The following SMARCA2 variants were observed in gnomAD, a reference collection of about 807,000 sequenced individuals.
SMARCA2 encodes the protein SWI/SNF-related matrix-associated actin-dependent regulator of chromatin subfamily A member 2.
A neutral mutation model predicts 199.8 loss-of-function variants in SMARCA2; 61 were observed. That is an observed-to-expected ratio of 0.31 (90% confidence interval 0.25 to 0.38). The LOEUF (loss-of-function observed/expected upper bound fraction) is 0.38, where lower values mean the gene tolerates loss of function less well. Ranked by LOEUF, SMARCA2 falls within the 10% of genes least tolerant of loss-of-function variation. SMARCA2 has a pLI of 1.00. For missense variants in SMARCA2, 1,344 were observed against 2,012.2 expected, an observed-to-expected ratio of 0.67 and a Z score of 6.35; for synonymous variants, 935 against 732.0, an observed-to-expected ratio of 1.28 and a Z score of -4.48.
chr9:2,145,181 C>T (rs1824673219), intron 27 of SMARCA2, among the ~76,000 whole-genome samples: 1 of 151,852 alleles, frequency 6.6e-6, no homozygotes, highest in Admixed American at 6.6e-5. Context: ...TGTCTGTAGT[C>T]TCTCTGAGCT....
chr9:2,099,782 G>A lies in SMARCA2; in HGVS notation c.3079-1788G>A, dbSNP rs529729068. On this transcript the variant is annotated intron_variant, in intron 21 of 33. Coordinates refer to ENST00000349721, the MANE Select transcript of SMARCA2 (RefSeq NM_003070.5). Reference sequence around the variant, plus strand: ...CTGCCAGATGCTGAGCCTCAAAATGGGTCTCACTGCCTCCCTGGGGACCTT... The same window carrying A: ...CTGCCAGATGCTGAGCCTCAAAATGAGTCTCACTGCCTCCCTGGGGACCTT... Among the ~76,000 whole-genome samples, 11 of 152,144 alleles carry A rather than the reference G, an allele frequency of 7.2e-5. No individual in the cohort carries two copies. In the South Asian group the frequency reaches 1.9e-3, roughly 26 times the overall value.
chr9:2,051,026 G>C (rs757976611), intron 5 of SMARCA2, among the ~76,000 whole-genome samples: 1 of 152,318 alleles, frequency 6.6e-6, no homozygotes, highest in South Asian at 2.1e-4. Flanking sequence ...GTTGTTTGGG[G>C]AAGTTTAGAA....
Position 2,123,863 on chromosome 9 carries a change from A to C in SMARCA2, c.3907A>C (p.Ile1303Leu). 6.2e-7 allele frequency: 1 copy of C among 1,608,052 alleles called. No homozygotes were observed. Among genetic ancestry groups the C allele is most frequent in the Non-Finnish European group, 8.5e-7 (1 of 1,177,480 alleles). Residue 1303 changes from isoleucine to leucine, a missense_variant, in exon 27 of 34, where the codon ATA (isoleucine) becomes CTA (leucine). Coordinates refer to ENST00000349721, the MANE Select transcript of SMARCA2 (RefSeq NM_003070.5). This position sits in a 1 kb window ranked among gnomAD's most constrained non-coding sequence, Gnocchi z 4.1. Reference protein sequence around the residue: ...RLTCEEEEEKIFGRGSRQRRD... With the variant: ...RLTCEEEEEKLFGRGSRQRRD... ...CACCTGTGAAGAAGAGGAGGAGAAA[A>C]TATTTGGGAGGGGGTCCCGCCAGCG...
intron 23 of SMARCA2, among the ~76,000 whole-genome samples, chr9:2,109,071 G>C (rs186307738): frequency 6.6e-6 from 1 of 152,150 alleles, no homozygotes; most frequent in Admixed American, 6.5e-5. Flanking sequence ...AAAACAGATC[G>C]TCCCCATGTT....
intron 27 of SMARCA2, among the ~76,000 whole-genome samples, chr9:2,153,373 C>CA (rs1437888949): frequency 6.6e-6 from 1 of 151,900 alleles, no homozygotes; most frequent in African/African-American, 2.4e-5. Context: ...CCTGTGTCTA[C>CA]AAAAAAGAAA....
chr9:2,132,084 C>G (rs1823987029), intron 27 of SMARCA2, among the ~76,000 whole-genome samples: 1 of 152,152 alleles, frequency 6.6e-6, no homozygotes, highest in Non-Finnish European at 1.5e-5. Flanking sequence ...GTTGGCCTCT[C>G]ATCACAGGAA....
intron 26 of SMARCA2, among the ~76,000 whole-genome samples, chr9:2,122,813 C>T (rs1316223704): frequency 6.6e-6 from 1 of 152,206 alleles, no homozygotes; most frequent in Non-Finnish European, 1.5e-5. Context: ...AATGACACAT[C>T]TCGCTAGTGT....
intron 14 of SMARCA2, among the ~76,000 whole-genome samples, chr9:2,078,867 C>T (rs1218164546): frequency 2.0e-5 from 3 of 151,980 alleles, no homozygotes; most frequent in Admixed American, 1.3e-4. Context: ...ATGGCGTGAA[C>T]CCAGGAGGCG....
chr9:2,097,647 G>C (rs1015221908), intron 21 of SMARCA2, among the ~76,000 whole-genome samples, 176 bp downstream of exon 21: 35 of 152,212 alleles, frequency 2.3e-4, no homozygotes, highest in African/African-American at 8.2e-4. Context: ...TGAGTATTCT[G>C]GTTATGGGTT....
chr9:2,068,263 T>A (rs1474794091), intron 9 of SMARCA2, among the ~76,000 whole-genome samples: 1 of 152,246 alleles, frequency 6.6e-6, no homozygotes, highest in Non-Finnish European at 1.5e-5. Context: ...GCTGATCATT[T>A]CTTTTGAGCT....
Position 2,119,370 on chromosome 9 carries a change from C to T in SMARCA2, c.3685-88C>T. On this transcript the variant is annotated intron_variant, in intron 25 of 33. Coordinates refer to ENST00000349721, the MANE Select transcript of SMARCA2 (RefSeq NM_003070.5). The surrounding 1 kb of genome is among the most constrained non-coding windows in gnomAD (Gnocchi z 4.6). The stretch of plus-strand genomic sequence containing the variant: ...TTTCTTTCTGCCTTGAGAAATGGGA[C>T]CCCTCTGGTCTGGAGGACAGATCAC... 1.3e-6 allele frequency: 1 copy of T among 794,898 alleles called. No homozygotes were observed. Among genetic ancestry groups the T allele is most frequent in the South Asian group, 1.5e-5 (1 of 66,708 alleles). 49.2% of individuals were successfully genotyped at this position (794,898 alleles called of 1,614,324 possible). A position where few individuals can be genotyped will look rare whatever the true frequency, so the allele number is the denominator to read the frequency against.
intron 1 of SMARCA2, among the ~76,000 whole-genome samples, chr9:2,018,803 A>G (rs958951205): frequency 6.6e-6 from 1 of 152,336 alleles, no homozygotes; most frequent in South Asian, 2.1e-4. Context: ...TTACATATTC[A>G]CATTCAAATA....
intron 1 of SMARCA2, among the ~76,000 whole-genome samples, chr9:2,015,759 A>G (rs1048544297): frequency 9.9e-5 from 15 of 152,242 alleles, no homozygotes; most frequent in African/African-American, 3.1e-4. Flanking sequence ...AACAAGCCAC[A>G]GCCTTGATCC....
chr9:2,158,791 C>T, intron 27 of SMARCA2: 4 of 560,076 alleles, frequency 7.1e-6, no homozygotes, highest in Non-Finnish European at 1.2e-5. Flanking sequence ...AGTAATCTTA[C>T]TCTACTCTTT....
chr9:2,130,469 A>T (rs1324002373), intron 27 of SMARCA2, among the ~76,000 whole-genome samples: 2 of 152,220 alleles, frequency 1.3e-5, no homozygotes, highest in Non-Finnish European at 2.9e-5. Context: ...AGATGTTGTC[A>T]TTTTTGTCTC....
chr9:2,110,279 T>C lies in SMARCA2; in HGVS notation c.3318T>C (p.Ala1106=), dbSNP rs1409428402. Residue 1106 remains alanine, a synonymous_variant, in exon 24 of 34, where the codon GCT becomes GCC. Coordinates refer to ENST00000349721, the MANE Select transcript of SMARCA2 (RefSeq NM_003070.5). This position sits in a 1 kb window ranked among gnomAD's most constrained non-coding sequence, Gnocchi z 4.8. ...GCACCACCAAGTCTGAAGATCGTGCTGCTTTGCTGAAGAAATTCAATGAAC... is the reference window on the plus strand; with the variant it reads ...GCACCACCAAGTCTGAAGATCGTGCCGCTTTGCTGAAGAAATTCAATGAAC... ...LDGTTKSEDR[A]ALLKKFNEPG... The C allele has an allele frequency of 6.2e-7, 1 of 1,613,258 alleles. No homozygotes were observed. The highest frequency in any genetic ancestry group is 8.5e-7 in the Non-Finnish European group (1 of 1,179,658).
rs966601274 is a variant in SMARCA2, at chr9:2,170,330, G to A, written c.4200-89G>A. 5.1e-6 allele frequency: 8 copies of A among 1,564,832 alleles called. No individual in the cohort carries two copies. Among genetic ancestry groups the A allele is most frequent in the African/African-American group, 2.7e-5 (2 of 73,366 alleles). ...CAGGTTGGTGAGGAGACTGAGGCTT[G>A]GCCAGGTCACCCAGCCTAGGAAGAA... On this transcript the variant is annotated intron_variant, in intron 28 of 33. Coordinates refer to ENST00000349721, the MANE Select transcript of SMARCA2 (RefSeq NM_003070.5). The surrounding 1 kb of genome is among the most constrained non-coding windows in gnomAD (Gnocchi z 4.7).
At position 2,056,290 on chromosome 9, in the gene SMARCA2, C is replaced by T. The variant is rs144331954; in HGVS notation, c.1174-382C>T. Among the ~76,000 whole-genome samples, 327 of 152,186 alleles carry T rather than the reference C, an allele frequency of 2.1e-3. 5 individuals carry two copies. Among genetic ancestry groups the T allele is most frequent in the Admixed American group, 0.019 (292 of 15,290 alleles). On this transcript the variant is annotated intron_variant, in intron 6 of 33. Coordinates refer to ENST00000349721, the MANE Select transcript of SMARCA2 (RefSeq NM_003070.5). This position sits in a 1 kb window ranked among gnomAD's most constrained non-coding sequence, Gnocchi z 4.0. ...CATCATTAAAATTAATCTTTAAACA[C>T]AAAGAGAATGTTAACATGACACTTA...
intron 27 of SMARCA2, among the ~76,000 whole-genome samples, chr9:2,131,991 A>C (rs553327355): frequency 1.3e-5 from 2 of 152,156 alleles, no homozygotes; most frequent in African/African-American, 2.4e-5. Flanking sequence ...GGTGCTAATC[A>C]GTAAGGTAAA....
Sources: gnomAD v4.1 joint callset for allele counts (sites outside exome capture counted in the v4.1 genomes callset) on GRCh38, gnomAD v4.1.1 for gene constraint, Gnocchi (gnomAD v3.1) non-coding constraint, MANE v1.5 for transcripts, NCBI Gene and HGNC (gene_info 2026-07-23, HGNC 2026-07-21) for gene names.